Variants in RGS12 observed in about 807,000 individuals in gnomAD.
The protein encoded by RGS12 is regulator of G protein signaling 12.
A neutral mutation model predicts 120.1 loss-of-function variants in RGS12; 66 were observed. The ratio of observed to expected loss-of-function variants is 0.55; its 90% CI spans 0.45 to 0.67. The LOEUF (loss-of-function observed/expected upper bound fraction) is 0.67. RGS12 is among the 30% of genes least tolerant of loss of function. The pLI is 0.00. For synonymous variants in RGS12, 827 were observed against 804.7 expected (o/e 1.03, Z -0.47); for missense variants, 1,859 against 1,957.7 (o/e 0.95, Z 0.95).
chr4:3,422,814 C>G (rs1318579933), intron 11 of RGS12, 91 bp from the exon 12 acceptor site: 1 of 1,194,490 alleles, frequency 8.4e-7, no homozygotes. Flanking sequence ...TGCTCTTCTG[C>G]TCTGCACAGC....
intron 3 of RGS12, among the ~76,000 whole-genome samples, chr4:3,348,828 T>G (rs547224803): frequency 6.6e-6 from 1 of 152,222 alleles, no homozygotes; most frequent in Admixed American, 6.5e-5. Context: ...TGGAAGGCAG[T>G]GATATGCGGC....
Position 3,416,199 on chromosome 4 carries a change from G to A in RGS12, c.2427+78G>A, listed in dbSNP as rs539285019. The A allele has an allele frequency of 1.4e-3, 2,075 of 1,523,838 alleles. 5 individuals carry two copies. Among genetic ancestry groups the A allele is most frequent in the Middle Eastern group, 2.9e-3 (17 of 5,800 alleles). 94.4% of individuals were successfully genotyped at this position (1,523,838 alleles called of 1,614,324 possible). A position where few individuals can be genotyped will look rare whatever the true frequency, so the allele number is the denominator to read the frequency against. ...TAGGGTCCACCTTCAAAGAACACGTGCTATCAGGCAGGCCAGTGGATCGAG... is the reference window on the plus strand; with the variant it reads ...TAGGGTCCACCTTCAAAGAACACGTACTATCAGGCAGGCCAGTGGATCGAG... On this transcript the variant is annotated intron_variant, in intron 7 of 17. Transcript: ENST00000336727.
At chr4:3,354,406 T>C (rs1714673644) in intron 3 of RGS12, among the ~76,000 whole-genome samples, 1 of 152,202 alleles carries the variant, frequency 6.6e-6, no homozygotes, top group Non-Finnish European at 1.5e-5. Flanking sequence ...GGTGTGTTGA[T>C]GACTCTCTCT....
intron 17 of RGS12, among the ~76,000 whole-genome samples, chr4:3,438,894 G>A (rs1326834143): frequency 6.6e-6 from 1 of 152,156 alleles, no homozygotes; most frequent in East Asian, 1.9e-4. Flanking sequence ...CCAGAGCAGG[G>A]TGTGTACGGT....
rs1263245687 is a variant in RGS12 at position 3,316,106 on chromosome 4, C to G, written c.-65C>G. Reference sequence around the variant, plus strand: ...AAGAAGCAAACATGGTAGCATCAAGCATTCCTTGAAATATGGCTCCAAGGG... The same window carrying G: ...AAGAAGCAAACATGGTAGCATCAAGGATTCCTTGAAATATGGCTCCAAGGG... On this transcript the variant is annotated 5_prime_UTR_variant, in exon 2 of 18. Coordinates refer to ENST00000336727, the MANE Select transcript of RGS12 (RefSeq NM_001394154.1). 2 of 1,457,588 alleles carry G rather than the reference C, an allele frequency of 1.4e-6. No individual in the cohort carries two copies. Among genetic ancestry groups the G allele is most frequent in the East Asian group, 4.6e-5 (2 of 43,528 alleles). The allele number at this position is 1,457,588 out of a possible 1,614,324, so 90.3% of individuals were successfully genotyped here.
In RGS12 at chr4:3,317,250, G is replaced by A; in HGVS notation, c.1080G>A (p.Gly360=). 2 of 1,614,160 alleles carry A rather than the reference G, an allele frequency of 1.2e-6. No homozygotes were observed. The highest frequency in any genetic ancestry group is 1.7e-6 in the Non-Finnish European group (2 of 1,180,038). ...KIHQGIARRF[G]FECTADPDTN... The stretch of plus-strand genomic sequence containing the variant: ...ACCAAGGCATTGCTCGGCGGTTTGG[G>A]TTTGAGTGCACGGCCGACCCAGACA... The change falls in exon 2 of 18, where the codon GGG becomes GGA. Residue 360 remains glycine (G), a synonymous_variant. Coordinates refer to ENST00000336727, the MANE Select transcript of RGS12 (RefSeq NM_001394154.1).
At chr4:3,304,950 C>T (rs985478959) in intron 1 of RGS12, among the ~76,000 whole-genome samples, 1 of 152,210 alleles carries the variant, frequency 6.6e-6, no homozygotes, top group Non-Finnish European at 1.5e-5. Flanking sequence ...GTGATCAAGG[C>T]GTTGGCCAGG....
intron 3 of RGS12, among the ~76,000 whole-genome samples, chr4:3,383,418 G>C (rs1013010293): frequency 6.6e-6 from 1 of 152,036 alleles, no homozygotes; most frequent in Non-Finnish European, 1.5e-5. Context: ...ACCAGCCTGG[G>C]CAACAGAATG....
intron 4 of RGS12, among the ~76,000 whole-genome samples, chr4:3,401,058 A>G (rs558147369): frequency 4.1e-4 from 63 of 152,322 alleles, no homozygotes; most frequent in Admixed American, 1.9e-3. Context: ...AACCGAAAGC[A>G]TAGCCCATGG....
chr4:3,321,775 G>T (rs980908422), intron 2 of RGS12, among the ~76,000 whole-genome samples: 10 of 152,226 alleles, frequency 6.6e-5, no homozygotes, highest in Admixed American at 2.6e-4. Flanking sequence ...CTGGGCAGGG[G>T]CCCCTGCTGA....
In RGS12 at chr4:3,365,621, T is replaced by C. The variant is rs1184918831; in HGVS notation, c.1999-20795T>C. Among the ~76,000 whole-genome samples the C allele has an allele frequency of 6.6e-6, 1 of 152,132 alleles. No individual in the cohort carries two copies. Among genetic ancestry groups the C allele is most frequent in the Non-Finnish European group, 1.5e-5 (1 of 68,036 alleles). On this transcript the variant is annotated intron_variant, in intron 3 of 17. Coordinates refer to ENST00000336727, the MANE Select transcript of RGS12 (RefSeq NM_001394154.1). This position sits in a 1 kb window ranked among gnomAD's most constrained non-coding sequence, Gnocchi z 4.0. The stretch of plus-strand genomic sequence containing the variant: ...TGTTGGCTTCTTCCTGGCCTCCCAC[T>C]CACCTCTGGGACGACGTGCCGCACG...
At chr4:3,319,742 G>C (rs1397805662) in intron 2 of RGS12, among the ~76,000 whole-genome samples, 1 of 152,236 alleles carries the variant, frequency 6.6e-6, no homozygotes, top group Non-Finnish European at 1.5e-5. Flanking sequence ...ACACGCGCCT[G>C]GCCTCAGCCT....
chr4:3,422,663 T>TC, intron 11 of RGS12, 93 bp downstream of exon 11: 1 of 1,346,960 alleles, frequency 7.4e-7, no homozygotes, highest in Non-Finnish European at 1.0e-6. Context: ...GGCTGCCCCC[T>TC]CCTGCGCTCC....
chr4:3,394,687 T>G (rs1719869659), intron 4 of RGS12, among the ~76,000 whole-genome samples: 1 of 152,206 alleles, frequency 6.6e-6, no homozygotes, highest in Non-Finnish European at 1.5e-5. Flanking sequence ...GCTTACACGC[T>G]GAAAGGTACA....
At chr4:3,431,825 C>A in intron 17 of RGS12, 1 of 985,656 alleles carries the variant, frequency 1.0e-6, no homozygotes, top group Non-Finnish European at 1.2e-6. Context: ...CCGTCCTGTG[C>A]CCTGGTCCAG....
intron 3 of RGS12, among the ~76,000 whole-genome samples, chr4:3,381,528 C>G (rs747384790): frequency 1.3e-5 from 2 of 152,292 alleles, no homozygotes; most frequent in South Asian, 2.1e-4. Context: ...CGGGAACTTA[C>G]AATCATGGCA....
intron 3 of RGS12, among the ~76,000 whole-genome samples, chr4:3,347,229 G>A (rs1248435420): frequency 6.6e-6 from 1 of 152,196 alleles, no homozygotes; most frequent in Non-Finnish European, 1.5e-5. Context: ...CGGATCACAA[G>A]GTCAGGAGAT....
chr4:3,361,783 G>A (rs1020573256), intron 3 of RGS12, among the ~76,000 whole-genome samples: 4 of 152,198 alleles, frequency 2.6e-5, no homozygotes, highest in Admixed American at 2.6e-4. Flanking sequence ...CAGAGGGGAC[G>A]TCTCTGCCTT....
chr4:3,309,904 GCAGGGGAGGAGC>G (rs1724256878), intron 1 of RGS12, among the ~76,000 whole-genome samples: 1 of 140,596 alleles, frequency 7.1e-6, no homozygotes. Context: ...GGGGAACCGT[GCAGGGGAGGAGC>G]TGGGACCCTG....
Sources: allele counts gnomAD v4.1 joint callset (sites outside exome capture counted in the v4.1 genomes callset), GRCh38; gene constraint gnomAD v4.1.1; non-coding constraint Gnocchi (gnomAD v3.1); transcripts MANE v1.5; gene names NCBI Gene and HGNC (gene_info 2026-07-23, HGNC 2026-07-21).